MGAT4C: variants seen among roughly 807,000 people sequenced by gnomAD.
MGAT4C encodes alpha-1,3-mannosyl-glycoprotein 4-beta-N-acetylglucosaminyltransferase C.
MGAT4C carries 19 observed loss-of-function variants against 40.1 expected under a neutral mutation model. The ratio of observed to expected loss-of-function variants is 0.47; its 90% confidence interval spans 0.33 to 0.70. MGAT4C has a LOEUF of 0.70. Among genes scored for constraint, MGAT4C ranks in the 30% least tolerant of loss-of-function variants. MGAT4C has a pLI of 0.02. For synonymous variants in MGAT4C, 181 were observed against 187.1 expected (o/e 0.97, Z 0.27); for missense variants, 491 against 563.2 (o/e 0.87, Z 1.30).
intron 2 of MGAT4C, among the ~76,000 whole-genome samples, chr12:86,582,432 AATTT>A (rs1238114749): frequency 6.6e-6 from 1 of 151,334 alleles, no homozygotes; most frequent in Non-Finnish European, 1.5e-5. Flanking sequence ...GTTTAGAGCC[AATTT>A]GTTTGCTTGA....
chr12:86,027,819 A>G (rs1334628192), intron 2 of MGAT4C, among the ~76,000 whole-genome samples: 1 of 151,996 alleles, frequency 6.6e-6, no homozygotes, highest in Non-Finnish European at 1.5e-5. Context: ...ACTAATTTCT[A>G]AAGTTCACTT....
At chr12:85,992,616 A>G (rs1031708972) in intron 2 of MGAT4C, among the ~76,000 whole-genome samples, 2 of 152,266 alleles carry the variant, frequency 1.3e-5, no homozygotes, top group African/African-American at 4.8e-5. Flanking sequence ...AAAGCATAAA[A>G]TGGAAAGTTA....
At chr12:86,224,389 G>C (rs1044243473) in intron 1 of MGAT4C, among the ~76,000 whole-genome samples, 8 of 152,046 alleles carry the variant, frequency 5.3e-5, no homozygotes, top group Non-Finnish European at 1.2e-4. Flanking sequence ...GCTTTAGATA[G>C]ATCATCTAGG....
At chr12:86,071,758 C>T (rs1868525372) in intron 1 of MGAT4C, among the ~76,000 whole-genome samples, 1 of 152,042 alleles carries the variant, frequency 6.6e-6, no homozygotes. Context: ...AAATAAAGCA[C>T]ATAATTAACT....
chr12:86,349,119 T>C (rs1420809246), intron 3 of MGAT4C, among the ~76,000 whole-genome samples: 2 of 152,152 alleles, frequency 1.3e-5, no homozygotes, highest in African/African-American at 4.8e-5. Context: ...ATTTTACAGA[T>C]ATGTGGTAAC....
At chr12:86,635,923 C>A (rs1963206398) in intron 2 of MGAT4C, among the ~76,000 whole-genome samples, 1 of 151,828 alleles carries the variant, frequency 6.6e-6, no homozygotes, top group African/African-American at 2.4e-5. Flanking sequence ...CTCAAGAGAT[C>A]TTCCTGCATT....
intron 2 of MGAT4C, among the ~76,000 whole-genome samples, chr12:86,718,788 C>T (rs1284435406): frequency 6.6e-6 from 1 of 152,106 alleles, no homozygotes; most frequent in East Asian, 1.9e-4. Context: ...GCTGCATGCT[C>T]CTTATGAGTG....
chr12:86,042,727 G>C lies in MGAT4C; in HGVS notation c.-7+6947C>G, dbSNP rs10083010. Among the ~76,000 whole-genome samples, 837 of 151,978 alleles carry C rather than the reference G, an allele frequency of 5.5e-3. 10 individuals are homozygous for C. The highest frequency in any genetic ancestry group is 0.018 in the African/African-American group (742 of 41,480). Reference sequence around the variant, plus strand: ...AAAAAAAATACAAAAAATTAGCTGGGCGTGGTGGCAGGCACCTGTAGTCCC... The same window carrying C: ...AAAAAAAATACAAAAAATTAGCTGGCCGTGGTGGCAGGCACCTGTAGTCCC... On this transcript the variant is annotated intron_variant, in intron 2 of 4. Transcript: ENST00000611864.
intron 1 of MGAT4C, among the ~76,000 whole-genome samples, chr12:86,114,797 C>G (rs1288555141): frequency 6.6e-6 from 1 of 151,908 alleles, no homozygotes; most frequent in East Asian, 1.9e-4. Context: ...CGCCCCCCGG[C>G]CTTCATCTTT....
intron 4 of MGAT4C, among the ~76,000 whole-genome samples, chr12:86,304,122 GAAAGTGGCTTTTCT>G (rs1953878344): frequency 6.6e-6 from 1 of 150,628 alleles, no homozygotes; most frequent in Non-Finnish European, 1.5e-5. Context: ...TTTGAAATGA[GAAAGTGGCTTTTCT>G]AGAACTATAA....
chr12:86,053,326 G>T (rs1242466991), intron 1 of MGAT4C, among the ~76,000 whole-genome samples: 2 of 151,724 alleles, frequency 1.3e-5, no homozygotes, highest in Non-Finnish European at 1.5e-5. Context: ...TAAAAGGCAG[G>T]ATGTTCTGTC....
intron 2 of MGAT4C, among the ~76,000 whole-genome samples, chr12:86,698,440 C>A (rs934338636): frequency 2.0e-5 from 3 of 151,858 alleles, no homozygotes; most frequent in African/African-American, 7.3e-5. Flanking sequence ...ACATTTGTTA[C>A]CACACAGAAT....
chr12:86,416,175 G>A (rs1036955631), intron 3 of MGAT4C, among the ~76,000 whole-genome samples: 1 of 152,018 alleles, frequency 6.6e-6, no homozygotes, highest in South Asian at 2.1e-4. Flanking sequence ...CTAAGAAAGA[G>A]TAGACAATAT....
intron 1 of MGAT4C, among the ~76,000 whole-genome samples, chr12:86,210,520 A>T (rs1219423340): frequency 6.6e-6 from 1 of 152,208 alleles, no homozygotes; most frequent in Non-Finnish European, 1.5e-5. Flanking sequence ...AACACTCCAG[A>T]CCTTGGTCCT....
intron 2 of MGAT4C, among the ~76,000 whole-genome samples, chr12:86,663,070 A>G (rs1471763976): frequency 6.6e-6 from 1 of 152,166 alleles, no homozygotes; most frequent in Non-Finnish European, 1.5e-5. Context: ...GACCATTCAC[A>G]TAAAAATAAG....
intron 2 of MGAT4C, among the ~76,000 whole-genome samples, chr12:86,518,005 A>G (rs1318507378): frequency 6.6e-6 from 1 of 152,106 alleles, no homozygotes; most frequent in Non-Finnish European, 1.5e-5. Flanking sequence ...GGTCCCTTTC[A>G]GGCCTGCTTT....
Position 86,246,893 on chromosome 12 carries a change from A to G in MGAT4C, c.-57+9346T>C, listed in dbSNP as rs17013846. On this transcript the variant is annotated intron_variant, in intron 1 of 4. Transcript: ENST00000611864. ...GACCTTCCCTGCAATTTAAAGTGCA[A>G]TTTTCTTTGTTCTATATTTTGAGAC... is the stretch of plus-strand genomic sequence containing the variant. Among the ~76,000 whole-genome samples, 531 of 152,214 alleles carry G rather than the reference A, an allele frequency of 3.5e-3. 1 individual carries two copies. The highest frequency in any genetic ancestry group is 0.012 in the African/African-American group (508 of 41,534).
intron 1 of MGAT4C, among the ~76,000 whole-genome samples, chr12:86,084,600 C>T (rs187992195): frequency 6.6e-6 from 1 of 151,444 alleles, no homozygotes; most frequent in African/African-American, 2.4e-5. Context: ...TAATTGTCTC[C>T]CCACCTATAT....
At chr12:86,061,109 G>A (rs908137263) in intron 1 of MGAT4C, among the ~76,000 whole-genome samples, 8 of 152,128 alleles carry the variant, frequency 5.3e-5, no homozygotes, top group African/African-American at 1.9e-4. Context: ...GCAGCTCCCA[G>A]CAAGATCAAC....
Sources: allele counts gnomAD v4.1 joint callset (sites outside exome capture counted in the v4.1 genomes callset), GRCh38; gene constraint gnomAD v4.1.1; transcripts MANE v1.5; gene names NCBI Gene and HGNC (gene_info 2026-07-23, HGNC 2026-07-21).